NRXN1: variants seen among roughly 807,000 people sequenced by gnomAD.
NRXN1 encodes the protein neurexin 1.
Under a neutral mutation model 150.9 loss-of-function variants are expected in NRXN1, and 39 were observed. That is an observed-to-expected ratio of 0.26 (90% confidence interval 0.20 to 0.34). NRXN1 has a LOEUF of 0.34. NRXN1 is among the 10% of genes least tolerant of loss of function. The probability of loss-of-function intolerance (pLI) is 1.00; values close to 1 mark genes in which losing one functional copy is unlikely to be tolerated. For missense variants in NRXN1, 1,815 were observed against 1,949.9 expected, an observed-to-expected ratio of 0.93 and a Z score of 1.30; for synonymous variants, 924 against 757.0, an observed-to-expected ratio of 1.22 and a Z score of -3.62.
intron 2 of NRXN1, among the ~76,000 whole-genome samples, chr2:51,010,921 C>T (rs557474322): frequency 6.6e-6 from 1 of 151,926 alleles, no homozygotes; most frequent in South Asian, 2.1e-4. Context: ...GCAGGAACTA[C>T]AGGTGTATGC....
intron 5 of NRXN1, among the ~76,000 whole-genome samples, chr2:50,843,856 C>A (rs1673230316): frequency 6.6e-6 from 1 of 152,198 alleles, no homozygotes; most frequent in Admixed American, 6.5e-5. Context: ...AAACGTCTCA[C>A]AATGCTATTT....
At chr2:50,961,557 C>CA (rs997130082) in intron 2 of NRXN1, among the ~76,000 whole-genome samples, 1 of 151,680 alleles carries the variant, frequency 6.6e-6, no homozygotes, top group Admixed American at 6.6e-5. Flanking sequence ...CTTTTATAGA[C>CA]AGAGTAATGG....
rs555430682 is a variant in NRXN1, at chr2:50,015,393, A to G, written c.4128+37878T>C. Among the ~76,000 whole-genome samples the G allele has an allele frequency of 2.0e-5, 3 of 152,052 alleles. No homozygotes were observed. In the South Asian group the frequency reaches 6.2e-4, roughly 32 times the overall value. On this transcript the variant is annotated intron_variant, in intron 21 of 22. Transcript: ENST00000401669. Reference sequence around the variant, plus strand: ...ATATAGTGAGACCTCCTAAGAGTTCATCTCACTCTAGGCACACAGGAGACT... The same window carrying G: ...ATATAGTGAGACCTCCTAAGAGTTCGTCTCACTCTAGGCACACAGGAGACT...
In NRXN1 at chr2:50,783,131, C is replaced by T. The variant is rs934656073; in HGVS notation, c.832+138738G>A. Among the ~76,000 whole-genome samples the T allele has an allele frequency of 2.0e-4, 30 of 152,102 alleles. 1 individual carries two copies. Among genetic ancestry groups the T allele is most frequent in the Middle Eastern group, 3.2e-3 (1 of 316 alleles). On this transcript the variant is annotated intron_variant, in intron 5 of 22. Coordinates refer to ENST00000401669, the MANE Select transcript of NRXN1 (RefSeq NM_001330078.2). ...AAGATCATGCATGTAGTAAACAATA[C>T]ATTTAGGATTGAATTCTAGTTTAAA...
chr2:50,577,724 AC>A (rs1671650984), intron 8 of NRXN1, among the ~76,000 whole-genome samples: 1 of 152,018 alleles, frequency 6.6e-6, no homozygotes, highest in Non-Finnish European at 1.5e-5. Flanking sequence ...ACACACACAC[AC>A]ACACACACAC....
At chr2:50,277,741 T>C (rs2070747870) in intron 17 of NRXN1, among the ~76,000 whole-genome samples, 2 of 152,114 alleles carry the variant, frequency 1.3e-5, no homozygotes, top group Non-Finnish European at 2.9e-5. Context: ...AAATTCACAG[T>C]GCTTTGTGTC....
chr2:50,813,538 C>G (rs777023673), intron 5 of NRXN1, among the ~76,000 whole-genome samples: 7 of 152,084 alleles, frequency 4.6e-5, no homozygotes, highest in Non-Finnish European at 8.8e-5. Context: ...AAACTTAACT[C>G]TTCTCAAAGT....
At chr2:50,537,708 G>C (rs898009064) in intron 10 of NRXN1, among the ~76,000 whole-genome samples, 2 of 152,144 alleles carry the variant, frequency 1.3e-5, no homozygotes, top group East Asian at 1.9e-4. Context: ...TTCCAGAAAT[G>C]TTGGTGCACC....
intron 5 of NRXN1, among the ~76,000 whole-genome samples, chr2:50,751,092 C>T (rs972926028): frequency 6.6e-6 from 1 of 151,970 alleles, no homozygotes; most frequent in Non-Finnish European, 1.5e-5. Flanking sequence ...TGAAGATTCT[C>T]TCCAGGACAT....
intron 8 of NRXN1, 29 bp downstream of exon 8, chr2:50,619,992 AG>A: frequency 1.3e-6 from 2 of 1,526,904 alleles, no homozygotes; most frequent in Non-Finnish European, 1.8e-6. Context: ...ACCATGAATT[AG>A]GAATGATTCT....
intron 17 of NRXN1, among the ~76,000 whole-genome samples, chr2:50,360,142 C>A (rs1339275700): frequency 1.3e-5 from 2 of 152,170 alleles, no homozygotes; most frequent in African/African-American, 4.8e-5. Context: ...AGTTACCAGT[C>A]ACTGTAATGT....
In NRXN1 at chr2:50,858,889, A is replaced by G. The variant is rs567143184; in HGVS notation, c.832+62980T>C. ...GCCCAGAAAGTGGCCATCAGTAGAG[A>G]TTCAATTTTTCTGAGATGAAACTAT... On this transcript the variant is annotated intron_variant, in intron 5 of 22. Coordinates refer to ENST00000401669, the MANE Select transcript of NRXN1 (RefSeq NM_001330078.2). Among the ~76,000 whole-genome samples the G allele has an allele frequency of 2.3e-3, 354 of 152,168 alleles. 2 individuals are homozygous for G. The highest frequency in any genetic ancestry group is 4.1e-3 in the Non-Finnish European group (280 of 68,000).
chr2:50,067,767 G>A (rs1359788584), intron 19 of NRXN1, among the ~76,000 whole-genome samples: 3 of 152,110 alleles, frequency 2.0e-5, no homozygotes, highest in Admixed American at 6.5e-5. Context: ...CCTTACAAAT[G>A]GCATTTTGCC....
At chr2:50,624,285 A>G (rs1680593594) in intron 5 of NRXN1, among the ~76,000 whole-genome samples, 1 of 152,094 alleles carries the variant, frequency 6.6e-6, no homozygotes, top group Non-Finnish European at 1.5e-5. Context: ...TGAAAATTCA[A>G]TTAATTTTTC....
intron 17 of NRXN1, among the ~76,000 whole-genome samples, chr2:50,330,225 C>T (rs927550806): frequency 4.6e-5 from 7 of 151,698 alleles, no homozygotes; most frequent in African/African-American, 1.7e-4. Context: ...AAGGAATATA[C>T]CAAAATTTTA....
intron 5 of NRXN1, among the ~76,000 whole-genome samples, chr2:50,648,127 C>T (rs1685090345): frequency 6.6e-6 from 1 of 151,812 alleles, no homozygotes; most frequent in Non-Finnish European, 1.5e-5. Flanking sequence ...TAAATAGCTC[C>T]TTGTTACAAT....
chr2:50,484,516 G>A lies in NRXN1; in HGVS notation c.3070+11389C>T, dbSNP rs182035103. Reference sequence around the variant, plus strand: ...AAGGAAATTAAGGGCTTTGAGAGCTGAATGAGCCTGCAAGTAGCCAGTTTG... The same window carrying A: ...AAGGAAATTAAGGGCTTTGAGAGCTAAATGAGCCTGCAAGTAGCCAGTTTG... On this transcript the variant is annotated intron_variant, in intron 15 of 22. Transcript: ENST00000401669. Among the ~76,000 whole-genome samples, 573 of 152,266 alleles carry A rather than the reference G, an allele frequency of 3.8e-3. 4 individuals are homozygous for A. Among genetic ancestry groups the A allele is most frequent in the Non-Finnish European group, 6.5e-3 (445 of 68,014 alleles).
intron 18 of NRXN1, among the ~76,000 whole-genome samples, chr2:50,096,981 A>G (rs1700313642): frequency 1.3e-5 from 2 of 152,228 alleles, no homozygotes; most frequent in African/African-American, 4.8e-5. Context: ...CATGTTACAG[A>G]TGCATATATA....
At chr2:50,675,151 T>C (rs1261470936) in intron 5 of NRXN1, among the ~76,000 whole-genome samples, 1 of 152,130 alleles carries the variant, frequency 6.6e-6, no homozygotes, top group African/African-American at 2.4e-5. Context: ...GCTGGCATCA[T>C]GCTTCCTGTA....
Sources: allele counts gnomAD v4.1 joint callset (sites outside exome capture counted in the v4.1 genomes callset), GRCh38; gene constraint gnomAD v4.1.1; transcripts MANE v1.5; gene names NCBI Gene and HGNC (gene_info 2026-07-23, HGNC 2026-07-21).